FAM222B: variants seen among roughly 807,000 people sequenced by gnomAD.
FAM222B encodes protein FAM222B.
FAM222B carries 12 observed loss-of-function variants against 38.0 expected under a neutral mutation model. The ratio of observed to expected loss-of-function variants is 0.32; its 90% CI spans 0.20 to 0.51. FAM222B has a LOEUF of 0.51. Ranked by LOEUF, FAM222B falls within the 20% of genes least tolerant of loss-of-function variation. The probability of loss-of-function intolerance (pLI) is 0.97; values close to 1 mark genes in which losing one functional copy is unlikely to be tolerated. For missense variants in FAM222B, 716 were observed against 754.2 expected (o/e 0.95, Z 0.59); for synonymous variants, 329 against 317.2 (o/e 1.04, Z -0.40).
chr17:28,816,145 T>TGG (rs972643421), intron 1 of FAM222B, among the ~76,000 whole-genome samples: 6 of 150,060 alleles, frequency 4.0e-5, no homozygotes, highest in Admixed American at 2.0e-4. Context: ...AGTATGGTAG[T>TGG]GGGGGCCTGT....
In FAM222B at chr17:28,807,258, C is replaced by T. The variant is rs371004948; in HGVS notation, c.-41+35424G>A. Among the ~76,000 whole-genome samples, 13 of 152,078 alleles carry T rather than the reference C, an allele frequency of 8.5e-5. 1 individual carries two copies. The highest frequency in any genetic ancestry group is 2.9e-4 in the African/African-American group (12 of 41,398). On this transcript the variant is annotated intron_variant, in intron 1 of 2. Transcript: ENST00000581407. The stretch of plus-strand genomic sequence containing the variant: ...CTTGAACTCCCGAACTCAGGTGATC[C>T]GCCTGCCTCAGCTTCCCAAAGTCCT...
chr17:28,833,489 C>T (rs2038736157), intron 1 of FAM222B, among the ~76,000 whole-genome samples: 1 of 149,764 alleles, frequency 6.7e-6, no homozygotes, highest in Non-Finnish European at 1.5e-5. Context: ...TGGTGGTGTG[C>T]GCCTGTAGTC....
intron 1 of FAM222B, among the ~76,000 whole-genome samples, chr17:28,837,902 C>T (rs1208962391): frequency 6.6e-6 from 1 of 152,152 alleles, no homozygotes; most frequent in Non-Finnish European, 1.5e-5. Context: ...ATCCACCCAC[C>T]TCGGCCTCCC....
chr17:28,851,049 G>A (rs1162498871), intron 1 of FAM222B, among the ~76,000 whole-genome samples: 1 of 152,014 alleles, frequency 6.6e-6, no homozygotes, highest in East Asian at 1.9e-4. Flanking sequence ...AACCCAGGAG[G>A]TGGAGGTTGC....
intron 2 of FAM222B, chr17:28,762,163 A>G (rs566728527): frequency 6.6e-6 from 1 of 152,306 alleles, no homozygotes; most frequent in East Asian, 1.9e-4. Context: ...AGGGCTGTCA[A>G]AGGATTCAGA....
Position 28,756,909 on chromosome 17 carries a change from G to A in FAM222B, c.*1361C>T, listed in dbSNP as rs916424720. 6.6e-6 allele frequency: 1 copy of A among 152,250 alleles called. No individual in the cohort carries two copies. Among genetic ancestry groups the A allele is most frequent in the African/African-American group, 2.4e-5 (1 of 41,364 alleles). The allele number at this position is 152,250 out of a possible 1,614,324, so 9.4% of individuals were successfully genotyped here. A position where few individuals can be genotyped will look rare whatever the true frequency, so the allele number is the denominator to read the frequency against. ...CAGCTGACATTCCCCAGAGACAAGA[G>A]GAAAGGTAAGGGCTTATTTCATCTG... On this transcript the variant is annotated 3_prime_UTR_variant, in exon 3 of 3. Transcript: ENST00000581407.
intron 1 of FAM222B, among the ~76,000 whole-genome samples, chr17:28,811,485 T>C (rs1021560470): frequency 6.6e-6 from 1 of 151,962 alleles, no homozygotes; most frequent in African/African-American, 2.4e-5. Flanking sequence ...CTAAAATACA[T>C]CTGGAGGTTT....
chr17:28,805,917 G>C (rs905719981), intron 1 of FAM222B, among the ~76,000 whole-genome samples: 8 of 152,066 alleles, frequency 5.3e-5, no homozygotes, highest in Non-Finnish European at 7.4e-5. Flanking sequence ...GGAGGTGGGC[G>C]TATCACCTGA....
chr17:28,791,747 C>T (rs1393027775), intron 1 of FAM222B, among the ~76,000 whole-genome samples: 2 of 147,766 alleles, frequency 1.4e-5, no homozygotes, highest in African/African-American at 5.0e-5. Flanking sequence ...ACAGCCTCCA[C>T]TTTCTGGGTT....
intron 1 of FAM222B, among the ~76,000 whole-genome samples, chr17:28,786,782 C>G (rs2036428700): frequency 6.6e-6 from 1 of 151,898 alleles, no homozygotes; most frequent in African/African-American, 2.4e-5. Context: ...AACTAGTTCT[C>G]TGTGCACAAC....
At chr17:28,838,131 GTGCCATGCC>G (rs2038912318) in intron 1 of FAM222B, among the ~76,000 whole-genome samples, 3 of 152,100 alleles carry the variant, frequency 2.0e-5, no homozygotes, top group African/African-American at 7.2e-5. Context: ...CCGGGCAGTA[GTGCCATGCC>G]TGTAATCCCA....
chr17:28,772,565 A>G (rs1460495087), intron 1 of FAM222B, among the ~76,000 whole-genome samples: 1 of 137,316 alleles, frequency 7.3e-6, no homozygotes. Context: ...TCTACTAAAA[A>G]AAAAATACAA....
At chr17:28,788,012 T>C (rs2036496748) in intron 1 of FAM222B, among the ~76,000 whole-genome samples, 1 of 152,056 alleles carries the variant, frequency 6.6e-6, no homozygotes, top group Non-Finnish European at 1.5e-5. Context: ...TTAGTAGAGA[T>C]GGGGTTTCTC....
intron 1 of FAM222B, among the ~76,000 whole-genome samples, chr17:28,839,732 C>T (rs1453438971): frequency 6.6e-6 from 1 of 152,094 alleles, no homozygotes; most frequent in Non-Finnish European, 1.5e-5. Context: ...AAACTATTAT[C>T]TTAAACAAAG....
intron 1 of FAM222B, among the ~76,000 whole-genome samples, chr17:28,851,682 C>A (rs954916084): frequency 1.3e-5 from 2 of 151,924 alleles, no homozygotes; most frequent in Admixed American, 1.3e-4. Context: ...TTGAGACCAG[C>A]CTAGCCAACA....
At chr17:28,778,695 GTGTATA>G (rs1328569053) in intron 1 of FAM222B, among the ~76,000 whole-genome samples, 6 of 88,154 alleles carry the variant, frequency 6.8e-5, no homozygotes, top group African/African-American at 3.0e-4. Context: ...GTGTGTGTGT[GTGTATA>G]TATATATATA....
At chr17:28,794,072 GC>G (rs1290222495) in intron 1 of FAM222B, among the ~76,000 whole-genome samples, 1 of 151,886 alleles carries the variant, frequency 6.6e-6, no homozygotes, top group African/African-American at 2.4e-5. Flanking sequence ...ATGCAGCCAA[GC>G]CCATGAAGAT....
At chr17:28,779,522 C>T (rs1308952359) in intron 1 of FAM222B, among the ~76,000 whole-genome samples, 2 of 151,966 alleles carry the variant, frequency 1.3e-5, no homozygotes, top group Non-Finnish European at 2.9e-5. Flanking sequence ...GAGGCTGAGG[C>T]GGGCGGATCA....
At chr17:28,807,062 C>T (rs946204687) in intron 1 of FAM222B, among the ~76,000 whole-genome samples, 2 of 151,566 alleles carry the variant, frequency 1.3e-5, no homozygotes, top group Admixed American at 6.6e-5. Flanking sequence ...GTTGCCCAGG[C>T]TGGAGTGCAA....
Sources: allele counts gnomAD v4.1 joint callset (sites outside exome capture counted in the v4.1 genomes callset), GRCh38; gene constraint gnomAD v4.1.1; transcripts MANE v1.5; gene names NCBI Gene and HGNC (gene_info 2026-07-23, HGNC 2026-07-21).